Variants in CDH19 observed in about 807,000 individuals in gnomAD.
CDH19 encodes cadherin-19.
In CDH19, 67 loss-of-function variants were observed where a neutral mutation model predicts 64.2. That is an observed-to-expected ratio of 1.04 (90% CI 0.86 to 1.28). The LOEUF is 1.28. Among genes scored for constraint, CDH19 ranks in the 50% most tolerant of loss-of-function variants. The pLI is 0.00. For missense variants in CDH19, 1,030 were observed against 929.0 expected, an observed-to-expected ratio of 1.11 and a Z score of -1.41; for synonymous variants, 346 against 319.3, an observed-to-expected ratio of 1.08 and a Z score of -0.89.
chr18:66,550,600 G>A (rs77097843), intron 5 of CDH19, among the ~76,000 whole-genome samples: 5,746 of 152,166 alleles, frequency 0.038, 333 homozygotes, highest in South Asian at 0.13. Flanking sequence ...GTGTGGGTTA[G>A]AGGGTTGTCA....
At chr18:66,539,089 C>T (rs1734156693) in intron 7 of CDH19, among the ~76,000 whole-genome samples, 1 of 152,104 alleles carries the variant, frequency 6.6e-6, no homozygotes, top group Non-Finnish European at 1.5e-5. Flanking sequence ...AGAGGGATTG[C>T]TGGGTGTTGC....
At chr18:66,532,605 A>G in intron 8 of CDH19, 1 of 374,990 alleles carries the variant, frequency 2.7e-6, no homozygotes, top group South Asian at 2.0e-5. Flanking sequence ...AATCTTTCAA[A>G]AGTTCAACAA....
At chr18:66,574,789 C>T (rs1286248935) in intron 1 of CDH19, among the ~76,000 whole-genome samples, 4 of 151,642 alleles carry the variant, frequency 2.6e-5, no homozygotes, top group South Asian at 2.1e-4. Context: ...AGGTAGACAA[C>T]GATATGTTAT....
chr18:66,590,665 AT>A (rs1988718683), intron 1 of CDH19, among the ~76,000 whole-genome samples: 1 of 152,026 alleles, frequency 6.6e-6, no homozygotes, highest in Non-Finnish European at 1.5e-5. Flanking sequence ...ATGTATTTAT[AT>A]ACTAATGATT....
At chr18:66,537,438 T>C (rs1421538826) in intron 7 of CDH19, among the ~76,000 whole-genome samples, 1 of 151,992 alleles carries the variant, frequency 6.6e-6, no homozygotes, top group Admixed American at 6.6e-5. Context: ...CAGGGGAACA[T>C]GATGTTCATC....
In CDH19 at chr18:66,547,669, T is replaced by G. The variant is rs867644295; in HGVS notation, c.776-2766A>C. Among the ~76,000 whole-genome samples, 11 of 136,046 alleles carry G rather than the reference T, an allele frequency of 8.1e-5. 1 individual carries two copies. Among genetic ancestry groups the G allele is most frequent in the African/African-American group, 3.2e-4 (11 of 34,824 alleles). 89.3% of individuals were successfully genotyped at this position (136,046 alleles called of 152,430 possible). On this transcript the variant is annotated intron_variant, in intron 5 of 11. Transcript: ENST00000262150. ...AGTTAAGTGTGTGTTAGGTTTTTTT[T>G]TTTTTTTTTTTTTTTTGAGACGGAG...
At chr18:66,534,518 C>T (rs1020614319) in intron 8 of CDH19, among the ~76,000 whole-genome samples, 1 of 151,886 alleles carries the variant, frequency 6.6e-6, no homozygotes, top group Admixed American at 6.6e-5. Flanking sequence ...TAATACTTTA[C>T]AATTCTAAAT....
intron 9 of CDH19, among the ~76,000 whole-genome samples, chr18:66,523,970 T>C (rs1012819023): frequency 1.1e-4 from 16 of 151,926 alleles, no homozygotes; most frequent in Non-Finnish European, 2.2e-4. Flanking sequence ...TAAGCAGGTA[T>C]TGAGGCATGA....
intron 1 of CDH19, among the ~76,000 whole-genome samples, chr18:66,588,821 C>A (rs1988658610): frequency 6.6e-6 from 1 of 151,468 alleles, no homozygotes; most frequent in African/African-American, 2.4e-5. Context: ...AGTTTGAAGA[C>A]TGAAGTGGAA....
intron 9 of CDH19, among the ~76,000 whole-genome samples, chr18:66,516,488 T>C (rs138755637): frequency 6.6e-6 from 1 of 151,982 alleles, no homozygotes; most frequent in East Asian, 1.9e-4. Context: ...CAAATAGAGA[T>C]ATAATTCCTG....
intron 7 of CDH19, among the ~76,000 whole-genome samples, chr18:66,537,408 ACTTT>A (rs1986716201): frequency 6.6e-6 from 1 of 151,896 alleles, no homozygotes; most frequent in Admixed American, 6.6e-5. Context: ...GACATGATAT[ACTTT>A]CTTAGGCTAT....
At chr18:66,569,658 C>T (rs1484332667) in intron 2 of CDH19, among the ~76,000 whole-genome samples, 2 of 151,510 alleles carry the variant, frequency 1.3e-5, no homozygotes, top group African/African-American at 2.4e-5. Flanking sequence ...TAAAAAAACC[C>T]GTCTAATTCT....
At chr18:66,510,601 TAATAATAATAA>T (rs1423349143) in intron 10 of CDH19, among the ~76,000 whole-genome samples, 17 of 145,854 alleles carry the variant, frequency 1.2e-4, no homozygotes, top group Non-Finnish European at 4.5e-5. Flanking sequence ...ATAATAATAA[TAATAATAATAA>T]TAATAATAAT....
In CDH19 at chr18:66,511,571, G is replaced by A. The variant is rs918957876; in HGVS notation, c.1573C>T (p.Gln525Ter). ...CATTATGAGTGAATGACATTACCTT[G>A]ATTATCTATGATTGTAAAACTTGAA... ...NNSSFTIIDN[Q>*]DNTAVILTNR... The change falls in exon 10 of 12, where the codon CAA (glutamine) becomes TAA (stop). Residue 525 changes from glutamine to a stop codon, truncating the protein, a stop_gained. Transcript: ENST00000262150. LOFTEE classifies it high-confidence loss of function. The A allele has an allele frequency of 8.1e-7, 1 of 1,240,924 alleles. No homozygotes were observed. Among genetic ancestry groups the A allele is most frequent in the Non-Finnish European group, 1.2e-6 (1 of 845,572 alleles). 76.9% of individuals were successfully genotyped at this position (1,240,924 alleles called of 1,614,324 possible).
chr18:66,562,006 T>C (rs1599017073), intron 3 of CDH19, among the ~76,000 whole-genome samples: 1 of 152,030 alleles, frequency 6.6e-6, no homozygotes, highest in Non-Finnish European at 1.5e-5. Flanking sequence ...ACACAATATT[T>C]GACTTTGCTT....
At chr18:66,532,773 C>A in intron 8 of CDH19, 1 of 445,542 alleles carries the variant, frequency 2.2e-6, no homozygotes, top group Non-Finnish European at 4.5e-6. Flanking sequence ...AGTTGTAGAA[C>A]TACCTCTTGT....
chr18:66,524,569 T>TATATATATAA (rs1276593665), intron 9 of CDH19, among the ~76,000 whole-genome samples: 6,006 of 134,908 alleles, frequency 0.045, 216 homozygotes, highest in Middle Eastern at 0.084. Context: ...TATATATATA[T>TATATATATAA]AAACATCATC....
At chr18:66,539,477 A>G (rs1270491612) in intron 7 of CDH19, among the ~76,000 whole-genome samples, 1 of 152,084 alleles carries the variant, frequency 6.6e-6, no homozygotes, top group Non-Finnish European at 1.5e-5. Flanking sequence ...AGTTTTTATA[A>G]TAAGTTAATT....
intron 2 of CDH19, among the ~76,000 whole-genome samples, chr18:66,569,716 A>G (rs1400314582): frequency 6.6e-6 from 1 of 151,692 alleles, no homozygotes; most frequent in Non-Finnish European, 1.5e-5. Context: ...AATTATTTGT[A>G]TGTAAGAGAA....
Sources: allele counts gnomAD v4.1 joint callset (sites outside exome capture counted in the v4.1 genomes callset), GRCh38; gene constraint gnomAD v4.1.1; transcripts MANE v1.5; gene names NCBI Gene and HGNC (gene_info 2026-07-23, HGNC 2026-07-21).